HSD17B4: variants seen among roughly 807,000 people sequenced by gnomAD.
HSD17B4 encodes peroxisomal multifunctional enzyme type 2.
In HSD17B4, 70 loss-of-function variants were observed where a neutral mutation model predicts 101.0. That is an observed-to-expected ratio of 0.69 (90% CI 0.57 to 0.85). HSD17B4 has a LOEUF of 0.85. Ranked by LOEUF, HSD17B4 falls within the 40% of genes least tolerant of loss-of-function variation. HSD17B4 has a pLI of 0.00. For missense variants in HSD17B4, 984 were observed against 892.4 expected (o/e 1.10, Z -1.31); for synonymous variants, 347 against 297.1 (o/e 1.17, Z -1.73).
intron 10 of HSD17B4, chr5:119,492,929 T>C (rs1372415828): frequency 6.6e-6 from 1 of 152,148 alleles, no homozygotes; most frequent in Non-Finnish European, 1.5e-5. Context: ...AAGGTTGCTA[T>C]CTCTGGAGGG....
intron 20 of HSD17B4, among the ~76,000 whole-genome samples, chr5:119,528,480 T>A (rs537540860): frequency 6.6e-6 from 1 of 152,304 alleles, no homozygotes; most frequent in East Asian, 1.9e-4. Flanking sequence ...AGACAGTCTC[T>A]TACTATTCCC....
At chr5:119,492,786 C>T (rs1182676416) in intron 10 of HSD17B4, 2 of 152,046 alleles carry the variant, frequency 1.3e-5, no homozygotes, top group African/African-American at 4.8e-5. Context: ...CCTACCCCAT[C>T]TCTCAAACCT....
intron 23 of HSD17B4, among the ~76,000 whole-genome samples, chr5:119,538,673 A>G (rs2126922863): frequency 6.6e-6 from 1 of 152,112 alleles, no homozygotes; most frequent in South Asian, 2.1e-4. Flanking sequence ...TGCTAATTCT[A>G]GTTATTTTGT....
intron 23 of HSD17B4, 60 bp downstream of exon 23, chr5:119,536,610 A>G (rs1754564824): frequency 1.3e-6 from 2 of 1,546,978 alleles, no homozygotes; most frequent in Admixed American, 1.7e-5. Flanking sequence ...TGACAATTGC[A>G]GTTTTTAAGC....
chr5:119,476,903 G>T (rs1015724032), intron 6 of HSD17B4, among the ~76,000 whole-genome samples: 7 of 152,038 alleles, frequency 4.6e-5, no homozygotes, highest in Non-Finnish European at 7.4e-5. Flanking sequence ...TTAAAATCTA[G>T]AATTGTCTGT....
intron 16 of HSD17B4, among the ~76,000 whole-genome samples, chr5:119,514,456 A>C (rs1752438066): frequency 6.6e-6 from 1 of 152,200 alleles, no homozygotes; most frequent in Non-Finnish European, 1.5e-5. Context: ...CTAAACTGGC[A>C]CTCAGATACT....
At chr5:119,509,294 C>G in intron 16 of HSD17B4, 50 bp downstream of exon 16, 1 of 1,090,608 alleles carries the variant, frequency 9.2e-7, no homozygotes, top group Non-Finnish European at 1.4e-6. Context: ...AGGATTCTTA[C>G]CTATACAATT....
intron 17 of HSD17B4, among the ~76,000 whole-genome samples, chr5:119,520,012 C>A (rs910388710): frequency 6.6e-6 from 1 of 152,148 alleles, no homozygotes; most frequent in Admixed American, 6.5e-5. Flanking sequence ...TACCATAGCA[C>A]CCATCGCCTT....
At chr5:119,472,331 T>A (rs1756453987) in intron 2 of HSD17B4, 1 of 152,298 alleles carries the variant, frequency 6.6e-6, no homozygotes, top group Admixed American at 6.5e-5. Flanking sequence ...GTAAGAATAC[T>A]TATGACATCT....
At chr5:119,514,732 A>G (rs773094913) in intron 16 of HSD17B4, among the ~76,000 whole-genome samples, 13 of 152,146 alleles carry the variant, frequency 8.5e-5, no homozygotes, top group Non-Finnish European at 1.6e-4. Context: ...TGTGGCCTGG[A>G]GGATTTATCT....
chr5:119,462,248 ATTTTTTTTTTTTTTTTT>A (rs10524491), intron 2 of HSD17B4, among the ~76,000 whole-genome samples: 56 of 30,042 alleles, frequency 1.9e-3, no homozygotes, highest in African/African-American at 2.0e-3. Flanking sequence ...AACAAATGTG[ATTTTTTTTTTTTTTTTT>A]TTTTTTTTTT....
intron 22 of HSD17B4, 107 bp downstream of exon 22, chr5:119,531,511 G>T (rs562364129): frequency 3.4e-6 from 4 of 1,160,914 alleles, no homozygotes; most frequent in Non-Finnish European, 3.8e-6. Flanking sequence ...TACCTTTTTA[G>T]GTAAGTTTTT....
intron 14 of HSD17B4, among the ~76,000 whole-genome samples, chr5:119,503,059 A>C (rs1751317483): frequency 6.7e-6 from 1 of 149,754 alleles, no homozygotes; most frequent in African/African-American, 2.5e-5. Flanking sequence ...GTAGATTCTC[A>C]ATCCCAACCT....
intron 10 of HSD17B4, chr5:119,492,738 A>C (rs1750227016): frequency 1.3e-5 from 2 of 152,122 alleles, no homozygotes; most frequent in South Asian, 4.2e-4. Flanking sequence ...AAATATTTTA[A>C]ATAGTTAAAT....
intron 12 of HSD17B4, among the ~76,000 whole-genome samples, chr5:119,497,298 C>T (rs1019843357): frequency 6.6e-6 from 1 of 152,150 alleles, no homozygotes; most frequent in Non-Finnish European, 1.5e-5. Context: ...GAAATTGACT[C>T]AGGGAGGTAC....
At chr5:119,483,801 T>C (rs1749360861) in intron 8 of HSD17B4, among the ~76,000 whole-genome samples, 1 of 152,190 alleles carries the variant, frequency 6.6e-6, no homozygotes, top group African/African-American at 2.4e-5. Context: ...ATATTTTATC[T>C]AATGAACACT....
chr5:119,473,841 C>T (rs1748290274), intron 2 of HSD17B4, 67 bp from the exon 3 acceptor site: 5 of 652,002 alleles, frequency 7.7e-6, no homozygotes, highest in Admixed American at 3.0e-5. Context: ...TCATTTTCCA[C>T]ACACACACAC....
At chr5:119,459,764 A>T (rs1020430569) in intron 2 of HSD17B4, among the ~76,000 whole-genome samples, 1 of 152,040 alleles carries the variant, frequency 6.6e-6, no homozygotes, top group African/African-American at 2.4e-5. Context: ...CACTCCCATG[A>T]TAACCTGTTA....
At chr5:119,492,337 C>T in intron 10 of HSD17B4, 1 of 588,156 alleles carries the variant, frequency 1.7e-6, no homozygotes, top group Non-Finnish European at 3.0e-6. Flanking sequence ...ATCTATTCTT[C>T]CTGTAGGTAG....
Sources: gnomAD v4.1 joint callset for allele counts (sites outside exome capture counted in the v4.1 genomes callset) on GRCh38, gnomAD v4.1.1 for gene constraint, MANE v1.5 for transcripts, NCBI Gene and HGNC (gene_info 2026-07-23, HGNC 2026-07-21) for gene names.